COL21A1: variants seen among roughly 807,000 people sequenced by gnomAD.
COL21A1 encodes collagen type XXI alpha 1 chain.
Under a neutral mutation model 137.9 loss-of-function variants are expected in COL21A1, and 149 were observed. That is an observed-to-expected ratio of 1.08 (90% CI 0.95 to 1.24). The LOEUF (loss-of-function observed/expected upper bound fraction) is 1.24. COL21A1 is among the 50% of genes most tolerant of loss of function. The pLI, the probability that COL21A1 is intolerant of heterozygous loss-of-function variation, is 0.00. For synonymous variants in COL21A1, 456 were observed against 391.5 expected (o/e 1.16, Z -1.95); for missense variants, 1,167 against 1,158.4 (o/e 1.01, Z -0.11).
At chr6:56,188,815 C>T (rs1778473706) in intron 1 of COL21A1, among the ~76,000 whole-genome samples, 1 of 152,208 alleles carries the variant, frequency 6.6e-6, no homozygotes, top group Non-Finnish European at 1.5e-5. Flanking sequence ...GTTCTGCAGA[C>T]TCCACTGGTG....
chr6:56,342,134 A>T (rs923026813), intron 1 of COL21A1, among the ~76,000 whole-genome samples: 1 of 152,086 alleles, frequency 6.6e-6, no homozygotes, highest in Non-Finnish European at 1.5e-5. Context: ...TATACATTGT[A>T]ATTTGTGGTT....
chr6:56,062,033 T>C (rs957000966), intron 24 of COL21A1, among the ~76,000 whole-genome samples: 2 of 152,108 alleles, frequency 1.3e-5, no homozygotes, highest in African/African-American at 4.8e-5. Context: ...AAATATTAGG[T>C]ATATTTTTTC....
At position 56,167,024 on chromosome 6, in the gene COL21A1, G is replaced by A. The variant is rs769945718; in HGVS notation, c.1201-41C>T. On this transcript the variant is annotated intron_variant, in intron 6 of 29. Transcript: ENST00000244728. ...CAGTAGAATTAAAGTTGAGGCACAA[G>A]CTAATTGTTTTATAAGAGCAACTCA... 4.8e-6 allele frequency: 7 copies of A among 1,470,624 alleles called. No homozygotes were observed. In the East Asian group the frequency reaches 1.2e-4, roughly 24 times the overall value. 91.1% of individuals were successfully genotyped at this position (1,470,624 alleles called of 1,614,324 possible). A position where few individuals can be genotyped will look rare whatever the true frequency, so the allele number is the denominator to read the frequency against.
At chr6:56,099,091 C>A (rs1291720505) in intron 17 of COL21A1, among the ~76,000 whole-genome samples, 1 of 151,896 alleles carries the variant, frequency 6.6e-6, no homozygotes, top group African/African-American at 2.4e-5. Context: ...TAAATACGTG[C>A]TCCTCACATT....
intron 1 of COL21A1, among the ~76,000 whole-genome samples, chr6:56,209,670 C>A (rs1780031089): frequency 6.6e-6 from 1 of 152,154 alleles, no homozygotes; most frequent in Admixed American, 6.5e-5. Flanking sequence ...AACGCTTTTA[C>A]ACTTGGTGGG....
chr6:56,235,078 C>T (rs1289874522), intron 1 of COL21A1, among the ~76,000 whole-genome samples: 3 of 151,802 alleles, frequency 2.0e-5, no homozygotes, highest in East Asian at 1.9e-4. Flanking sequence ...AGCTCTAAGG[C>T]TTATCTGAAA....
intron 17 of COL21A1, among the ~76,000 whole-genome samples, chr6:56,100,128 C>A (rs1770322360): frequency 6.6e-6 from 1 of 152,180 alleles, no homozygotes; most frequent in Non-Finnish European, 1.5e-5. Flanking sequence ...CAACAGAGAC[C>A]CTTCTCTGCA....
intron 1 of COL21A1, among the ~76,000 whole-genome samples, chr6:56,335,193 G>A (rs534431114): frequency 1.6e-4 from 24 of 152,242 alleles, no homozygotes; most frequent in African/African-American, 5.1e-4. Flanking sequence ...GGTTGGTGCA[G>A]TCAGAACTTC....
intron 23 of COL21A1, among the ~76,000 whole-genome samples, chr6:56,066,548 T>C (rs1399312860): frequency 6.6e-6 from 1 of 151,888 alleles, no homozygotes; most frequent in Non-Finnish European, 1.5e-5. Context: ...GAACACTTGA[T>C]TGGTAATTTA....
chr6:56,099,855 C>G (rs2152162992), intron 17 of COL21A1, among the ~76,000 whole-genome samples: 1 of 152,190 alleles, frequency 6.6e-6, no homozygotes, highest in African/African-American at 2.4e-5. Flanking sequence ...TTATTAATAC[C>G]CTAGTCGAGG....
chr6:56,188,992 A>C (rs1228551396), intron 1 of COL21A1, among the ~76,000 whole-genome samples: 3 of 152,186 alleles, frequency 2.0e-5, no homozygotes, highest in Non-Finnish European at 2.9e-5. Flanking sequence ...AAGGCAGATA[A>C]ATCAACAAAG....
At chr6:56,059,296 T>C (rs951270011) in intron 28 of COL21A1, 54 bp from the exon 29 acceptor site, 1 of 1,252,784 alleles carries the variant, frequency 8.0e-7, no homozygotes, top group East Asian at 2.4e-5. Context: ...GCCTTCTAGA[T>C]TGTTTCATTC....
chr6:56,358,070 A>T (rs1462960833), intron 1 of COL21A1, among the ~76,000 whole-genome samples: 1 of 152,210 alleles, frequency 6.6e-6, no homozygotes, highest in Non-Finnish European at 1.5e-5. Flanking sequence ...ATATATATAC[A>T]ATGACATTCT....
At chr6:56,283,172 A>G (rs1321173426) in intron 1 of COL21A1, among the ~76,000 whole-genome samples, 1 of 152,136 alleles carries the variant, frequency 6.6e-6, no homozygotes, top group Non-Finnish European at 1.5e-5. Flanking sequence ...TATCTATCTT[A>G]AGGGAATCAA....
intron 1 of COL21A1, among the ~76,000 whole-genome samples, chr6:56,256,068 A>G (rs1425066431): frequency 1.3e-5 from 2 of 152,242 alleles, no homozygotes; most frequent in Non-Finnish European, 2.9e-5. Flanking sequence ...AAGAAAAGTT[A>G]AGAAGATTTT....
intron 1 of COL21A1, among the ~76,000 whole-genome samples, chr6:56,269,654 CAAAAAAAAAA>C (rs70986792): frequency 7.8e-5 from 5 of 64,050 alleles, no homozygotes; most frequent in Admixed American, 1.9e-4. Flanking sequence ...GACTCCGTCT[CAAAAAAAAAA>C]AAAAAAAAAA....
chr6:56,244,605 T>C (rs1244103214), intron 1 of COL21A1, among the ~76,000 whole-genome samples: 1 of 152,192 alleles, frequency 6.6e-6, no homozygotes, highest in Non-Finnish European at 1.5e-5. Context: ...CTAATGAAGA[T>C]CTGATTTCTT....
Position 56,059,990 on chromosome 6 carries a change from C to T in COL21A1, c.2608+28G>A, listed in dbSNP as rs778292856. The stretch of plus-strand genomic sequence containing the variant: ...TTTTAAAAAAAGACTTTTTAAAATT[C>T]ATTTTCTTGTTGAAACTAACTGCAT... On this transcript the variant is annotated intron_variant, in intron 28 of 29. Coordinates refer to ENST00000244728, the MANE Select transcript of COL21A1 (RefSeq NM_030820.4). The T allele has an allele frequency of 3.9e-6, 6 of 1,536,934 alleles. No individual in the cohort carries two copies. The South Asian group carries it at 7.3e-5, about 19-fold the overall frequency.
At chr6:56,254,514 T>C (rs970852674) in intron 1 of COL21A1, among the ~76,000 whole-genome samples, 3 of 152,236 alleles carry the variant, frequency 2.0e-5, no homozygotes, top group African/African-American at 7.2e-5. Flanking sequence ...TTTACAGATG[T>C]GGTTAGTAAC....
Sources: gnomAD v4.1 joint callset for allele counts (sites outside exome capture counted in the v4.1 genomes callset) on GRCh38, gnomAD v4.1.1 for gene constraint, MANE v1.5 for transcripts, NCBI Gene and HGNC (gene_info 2026-07-23, HGNC 2026-07-21) for gene names.